Variants in TAF3 observed in about 807,000 individuals in gnomAD.
The protein encoded by TAF3 is transcription initiation factor TFIID subunit 3.
A neutral mutation model predicts 80.6 loss-of-function variants in TAF3; 7 were observed. The observed-to-expected ratio is 0.09, with a 90% CI of 0.05 to 0.16. The LOEUF is 0.16. TAF3 is among the 10% of genes least tolerant of loss of function. The pLI, the probability that TAF3 is intolerant of heterozygous loss-of-function variation, is 1.00. For missense variants in TAF3, 921 were observed against 1,140.2 expected (o/e 0.81, Z 2.77); for synonymous variants, 444 against 446.1 (o/e 1.00, Z 0.06).
chr10:7,928,550 C>G (rs918465782), intron 2 of TAF3, among the ~76,000 whole-genome samples: 6 of 152,138 alleles, frequency 3.9e-5, no homozygotes, highest in African/African-American at 1.4e-4. Context: ...GTGTCATTAT[C>G]AATAATAATT....
At chr10:7,872,203 T>G (rs1837272852) in intron 2 of TAF3, among the ~76,000 whole-genome samples, 1 of 145,984 alleles carries the variant, frequency 6.9e-6, no homozygotes, top group Non-Finnish European at 1.5e-5. Context: ...ATGGTAGAAG[T>G]GTTGGGTTGA....
chr10:7,970,708 T>C (rs746475918), intron 3 of TAF3, among the ~76,000 whole-genome samples: 12 of 152,236 alleles, frequency 7.9e-5, no homozygotes, highest in African/African-American at 2.4e-4. Context: ...TTGATGACTT[T>C]AGCAATCAGA....
intron 4 of TAF3, among the ~76,000 whole-genome samples, chr10:8,008,014 A>G (rs898908045): frequency 6.7e-6 from 1 of 149,964 alleles, no homozygotes; most frequent in Non-Finnish European, 1.5e-5. Flanking sequence ...AGCTCTAGCG[A>G]CCTGCGGCAG....
chr10:7,828,069 A>T (rs564753470), intron 2 of TAF3, among the ~76,000 whole-genome samples: 3 of 152,170 alleles, frequency 2.0e-5, no homozygotes, highest in Admixed American at 1.3e-4. Context: ...AAGTCACGCT[A>T]TAAGGGGAAT....
intron 3 of TAF3, among the ~76,000 whole-genome samples, chr10:7,975,937 T>C (rs1372963609): frequency 6.6e-6 from 1 of 152,206 alleles, no homozygotes; most frequent in African/African-American, 2.4e-5. Flanking sequence ...CTGGCAGTGC[T>C]TGGGACAGTG....
chr10:7,939,993 GA>G lies in TAF3; in HGVS notation c.410-23925del, dbSNP rs1837962192. On this transcript the variant is annotated intron_variant, in intron 2 of 6. Coordinates refer to ENST00000344293, the MANE Select transcript of TAF3 (RefSeq NM_031923.4). Reference sequence around the variant, plus strand: ...CTAAAAGGTACCCATAACAATGACTGAATAAAAATGCATACCAAGGCACATT... The same window carrying G: ...CTAAAAGGTACCCATAACAATGACTGATAAAAATGCATACCAAGGCACATT... Among the ~76,000 whole-genome samples, 6 of 152,244 alleles carry G rather than the reference GA, an allele frequency of 3.9e-5. No homozygotes were observed. In the South Asian group the frequency reaches 1.2e-3, roughly 32 times the overall value.
intron 2 of TAF3, among the ~76,000 whole-genome samples, chr10:7,847,324 C>T (rs1313696211): frequency 6.6e-6 from 1 of 152,176 alleles, no homozygotes; most frequent in Non-Finnish European, 1.5e-5. Context: ...AGGACTTTAT[C>T]ATGCAATAAT....
intron 2 of TAF3, among the ~76,000 whole-genome samples, chr10:7,849,073 A>T (rs1837000725): frequency 1.3e-5 from 2 of 152,228 alleles, no homozygotes; most frequent in Admixed American, 6.5e-5. Context: ...AATTAAACTT[A>T]TGAACCGCAA....
At chr10:7,888,695 G>T (rs534888627) in intron 2 of TAF3, among the ~76,000 whole-genome samples, 14 of 152,134 alleles carry the variant, frequency 9.2e-5, no homozygotes, top group Admixed American at 2.6e-4. Flanking sequence ...GCTTTTGGTC[G>T]AATATACTAT....
intron 3 of TAF3, among the ~76,000 whole-genome samples, chr10:7,974,817 C>T (rs960666454): frequency 1.1e-4 from 17 of 151,864 alleles, no homozygotes; most frequent in South Asian, 2.1e-4. Flanking sequence ...GGCTCACACC[C>T]GTAATCCCAG....
intron 2 of TAF3, among the ~76,000 whole-genome samples, chr10:7,828,093 C>T (rs1478312745): frequency 2.0e-5 from 3 of 152,234 alleles, no homozygotes; most frequent in South Asian, 4.2e-4. Context: ...TGTCAAGCTG[C>T]ATTCAGTGGC....
At chr10:7,955,678 G>C (rs1484609714) in intron 2 of TAF3, among the ~76,000 whole-genome samples, 1 of 152,098 alleles carries the variant, frequency 6.6e-6, no homozygotes, top group African/African-American at 2.4e-5. Context: ...AAGATATTTT[G>C]TTCTAAGTCA....
At chr10:7,912,808 T>G (rs1362711096) in intron 2 of TAF3, among the ~76,000 whole-genome samples, 2 of 152,080 alleles carry the variant, frequency 1.3e-5, no homozygotes, top group African/African-American at 4.8e-5. Flanking sequence ...GTAGAAACGC[T>G]GTTTGGCGAG....
intron 2 of TAF3, among the ~76,000 whole-genome samples, chr10:7,957,721 G>A (rs182881783): frequency 1.3e-5 from 2 of 149,614 alleles, no homozygotes; most frequent in African/African-American, 4.9e-5. Context: ...TGAGTTCTTA[G>A]TTCTTTGGAA....
intron 2 of TAF3, among the ~76,000 whole-genome samples, chr10:7,854,777 G>A (rs933022851): frequency 1.3e-5 from 2 of 152,132 alleles, no homozygotes; most frequent in Non-Finnish European, 2.9e-5. Context: ...TAAGTATTCA[G>A]ATCCATACGT....
chr10:7,896,564 G>A (rs772980542), intron 2 of TAF3, among the ~76,000 whole-genome samples: 4 of 152,190 alleles, frequency 2.6e-5, no homozygotes, highest in Non-Finnish European at 1.5e-5. Flanking sequence ...CCTCTCATTC[G>A]ACAGTCGCAT....
At chr10:7,905,725 C>G (rs1168265020) in intron 2 of TAF3, among the ~76,000 whole-genome samples, 2 of 151,668 alleles carry the variant, frequency 1.3e-5, no homozygotes, top group East Asian at 3.9e-4. Context: ...ACTAAAAATA[C>G]AAAAAAAATT....
intron 2 of TAF3, among the ~76,000 whole-genome samples, chr10:7,899,400 G>T (rs567550924): frequency 1.8e-4 from 27 of 152,254 alleles, no homozygotes; most frequent in Non-Finnish European, 3.4e-4. Flanking sequence ...TCTTCCCAGG[G>T]ACCTGGCGCC....
chr10:7,970,449 G>A (rs1183022091), intron 3 of TAF3, among the ~76,000 whole-genome samples: 1 of 152,224 alleles, frequency 6.6e-6, no homozygotes, highest in East Asian at 1.9e-4. Flanking sequence ...GCCAGTGAGG[G>A]GAGGGGGCCC....
Sources: gnomAD v4.1 joint callset for allele counts (sites outside exome capture counted in the v4.1 genomes callset) on GRCh38, gnomAD v4.1.1 for gene constraint, MANE v1.5 for transcripts, NCBI Gene and HGNC (gene_info 2026-07-23, HGNC 2026-07-21) for gene names.